KIT: variants seen among roughly 807,000 people sequenced by gnomAD.
The protein encoded by KIT is mast/stem cell growth factor receptor Kit.
Under a neutral mutation model 105.7 loss-of-function variants are expected in KIT, and 16 were observed. That is an observed-to-expected ratio of 0.15 (90% CI 0.10 to 0.23). The LOEUF (loss-of-function observed/expected upper bound fraction) is 0.23, where lower values mean the gene tolerates loss of function less well. KIT is among the 10% of genes least tolerant of loss of function. The pLI is 1.00. For missense variants in KIT, 858 were observed against 1,213.8 expected (o/e 0.71, Z 4.36); for synonymous variants, 438 against 441.1 (o/e 0.99, Z 0.09).
At chr4:54,730,970 A>G (rs939383878) in intron 14 of KIT, among the ~76,000 whole-genome samples, 2 of 151,844 alleles carry the variant, frequency 1.3e-5, no homozygotes, top group Non-Finnish European at 2.9e-5. Flanking sequence ...TCTTTCTTTC[A>G]TCTTGTCTCC....
intron 1 of KIT, among the ~76,000 whole-genome samples, chr4:54,687,582 C>T (rs1351463869): frequency 6.6e-6 from 1 of 152,084 alleles, no homozygotes; most frequent in Admixed American, 6.6e-5. Flanking sequence ...TTCCTTCCCC[C>T]TGCACTTAGC....
At chr4:54,697,439 G>A (rs1366495756) in intron 2 of KIT, among the ~76,000 whole-genome samples, 1 of 152,146 alleles carries the variant, frequency 6.6e-6, no homozygotes, top group Non-Finnish European at 1.5e-5. Flanking sequence ...GTAGAGAGTG[G>A]CAGCATATTG....
In KIT at chr4:54,667,049, A is replaced by G. The variant is rs533426945; in HGVS notation, c.67+8968A>G. Among the ~76,000 whole-genome samples, 3 of 152,308 alleles carry G rather than the reference A, an allele frequency of 2.0e-5. No homozygotes were observed. In the South Asian group the frequency reaches 6.2e-4, roughly 32 times the overall value. The stretch of plus-strand genomic sequence containing the variant: ...CAAGGTCTAGAGAAATCCATAATCT[A>G]TCATTTAGCCCTACCCTAAGAATCG... On this transcript the variant is annotated intron_variant, in intron 1 of 20. Transcript: ENST00000288135.
intron 1 of KIT, among the ~76,000 whole-genome samples, chr4:54,692,514 C>T (rs186237486): frequency 6.6e-6 from 1 of 152,158 alleles, no homozygotes; most frequent in Non-Finnish European, 1.5e-5. Context: ...TCCATCAGAT[C>T]AACCCATGAG....
rs779862483 is a variant in KIT at position 54,731,903 on chromosome 4, A to G, written c.2266A>G (p.Ile756Val). Residue 756 changes from isoleucine (I) to valine (V), a missense_variant, in exon 16 of 21, where the codon ATC (isoleucine) becomes GTC (valine). By Grantham distance (29) the Ile-to-Val change is conservative. Around this residue, in one of 7 missense-constraint regions of KIT, gnomAD observed 158 missense variants for 218.7 expected, o/e 0.72. Transcript: ENST00000288135. ...SYIERDVTPA[I>V]MEDDELALDL... ...CATAGAAAGAGATGTGACTCCCGCC[A>G]TCATGGAGGATGACGAGTTGGCCCT... 5.0e-6 allele frequency: 8 copies of G among 1,613,572 alleles called. No individual in the cohort carries two copies. The highest frequency in any genetic ancestry group is 4.0e-5 in the African/African-American group (3 of 74,876).
intron 1 of KIT, among the ~76,000 whole-genome samples, chr4:54,681,006 G>A (rs572367294): frequency 2.6e-5 from 4 of 152,146 alleles, no homozygotes; most frequent in Non-Finnish European, 4.4e-5. Context: ...TAGGTCTTGG[G>A]GGGGTGAAGT....
chr4:54,679,664 T>C (rs1718762435), intron 1 of KIT, among the ~76,000 whole-genome samples: 1 of 152,308 alleles, frequency 6.6e-6, no homozygotes, highest in Middle Eastern at 3.4e-3. Context: ...CTGAGTCAAG[T>C]ATAATTTATA....
intron 1 of KIT, among the ~76,000 whole-genome samples, chr4:54,659,887 G>A (rs760240008): frequency 2.6e-5 from 4 of 152,002 alleles, no homozygotes; most frequent in Non-Finnish European, 5.9e-5. Flanking sequence ...CTCCTGGGGG[G>A]GCAGTGTGGT....
At chr4:54,688,100 G>A (rs2109632813) in intron 1 of KIT, among the ~76,000 whole-genome samples, 1 of 152,112 alleles carries the variant, frequency 6.6e-6, no homozygotes, top group South Asian at 2.1e-4. Flanking sequence ...CCCACTGCTG[G>A]GCAAGAGTGT....
Position 54,692,345 on chromosome 4 carries a change from A to G in KIT, c.68-3167A>G, listed in dbSNP as rs188773379. On this transcript the variant is annotated intron_variant, in intron 1 of 20. Transcript: ENST00000288135. ...CTCACTTGATTCTCAGAAAAACTCTATGAGATGAGGGTATTTTTATCCTCA... is the reference window on the plus strand; with the variant it reads ...CTCACTTGATTCTCAGAAAAACTCTGTGAGATGAGGGTATTTTTATCCTCA... Among the ~76,000 whole-genome samples the G allele has an allele frequency of 1.3e-4, 20 of 152,302 alleles. No homozygotes were observed. In the East Asian group the frequency reaches 3.7e-3, roughly 28 times the overall value.
chr4:54,730,775 T>C (rs939434431), intron 14 of KIT, among the ~76,000 whole-genome samples: 3 of 152,162 alleles, frequency 2.0e-5, no homozygotes, highest in African/African-American at 7.2e-5. Context: ...CAGGAAGTAC[T>C]AGAAATCTTG....
chr4:54,737,186 T>C lies in KIT; in HGVS notation c.2708T>C (p.Met903Thr), dbSNP rs1722968117. 1 of 1,611,960 alleles carries C rather than the reference T, an allele frequency of 6.2e-7. No individual in the cohort carries two copies. Among genetic ancestry groups the C allele is most frequent in the Non-Finnish European group, 8.5e-7 (1 of 1,178,066 alleles). ...EHAPAEMYDI[M>T]KTCWDADPLK... ...CCCTTGTCTTGCAGGTATGACATAATGAAGACTTGCTGGGATGCAGATCCC... is the reference window on the plus strand; with the variant it reads ...CCCTTGTCTTGCAGGTATGACATAACGAAGACTTGCTGGGATGCAGATCCC... Residue 903 changes from methionine (M) to threonine (T), a missense_variant, in exon 20 of 21, where the codon ATG becomes ACG. This residue lies in a region of KIT where 105 missense variants were observed against 103.5 expected (regional missense o/e 1.01). Transcript: ENST00000288135.
At chr4:54,695,817 A>G in intron 2 of KIT, 36 bp downstream of exon 2, 1 of 1,612,630 alleles carries the variant, frequency 6.2e-7, no homozygotes, top group Non-Finnish European at 8.5e-7. Context: ...TGTGCTTTCA[A>G]GAATTTAATA....
At chr4:54,674,000 AGC>A (rs1341200026) in intron 1 of KIT, among the ~76,000 whole-genome samples, 1 of 152,158 alleles carries the variant, frequency 6.6e-6, no homozygotes, top group Non-Finnish European at 1.5e-5. Flanking sequence ...TGAACTCCTG[AGC>A]TCAGGCAATT....
intron 4 of KIT, among the ~76,000 whole-genome samples, chr4:54,700,702 A>G (rs1720402722): frequency 6.6e-6 from 1 of 152,228 alleles, no homozygotes. Context: ...CCCCATGTTC[A>G]ACATTGGCAA....
Position 54,731,331 on chromosome 4 carries a change from C to T in KIT, c.2145C>T (p.Ser715=), listed in dbSNP as rs192110951. The change falls in exon 15 of 21, where the codon AGC becomes AGT. Residue 715 remains serine (S), a synonymous_variant. Transcript: ENST00000288135. ...TGACTTGTTTCATCTCTCCCAGCAGCGATAGTACTAATGAGTACATGGACA... is the reference window on the plus strand; with the variant it reads ...TGACTTGTTTCATCTCTCCCAGCAGTGATAGTACTAATGAGTACATGGACA... The part of the protein sequence containing the change: ...NLLHSKESSC[S]DSTNEYMDMK... The T allele has an allele frequency of 4.0e-5, 65 of 1,610,710 alleles. No homozygotes were observed. The highest frequency in any genetic ancestry group is 2.5e-4 in the East Asian group (11 of 44,846).
rs772159767 is a variant in KIT at position 54,737,210 on chromosome 4, C to A, written c.2732C>A (p.Pro911His). ...ATGAAGACTTGCTGGGATGCAGATC[C>A]CCTAAAAAGACCAACATTCAAGCAA... ...DIMKTCWDAD[P>H]LKRPTFKQIV... The change falls in exon 20 of 21, where the codon CCC becomes CAC. Residue 911 changes from proline to histidine, a missense_variant. Transcript: ENST00000288135. The A allele has an allele frequency of 1.3e-5, 21 of 1,613,764 alleles. No individual in the cohort carries two copies. In the South Asian group the frequency reaches 2.0e-4, roughly 15 times the overall value.
intron 1 of KIT, among the ~76,000 whole-genome samples, chr4:54,659,258 G>A (rs977062340): frequency 6.6e-6 from 1 of 152,184 alleles, no homozygotes; most frequent in Non-Finnish European, 1.5e-5. Context: ...TGGGTCTTAG[G>A]TGAAGGATTT....
intron 1 of KIT, among the ~76,000 whole-genome samples, chr4:54,661,407 A>G (rs1370480332): frequency 6.6e-6 from 1 of 152,150 alleles, no homozygotes; most frequent in East Asian, 1.9e-4. Flanking sequence ...AGTTACCCTT[A>G]GGGTTTTGAC....
Sources: gnomAD v4.1 joint callset for allele counts (sites outside exome capture counted in the v4.1 genomes callset) on GRCh38, gnomAD v4.1.1 for gene constraint, gnomAD v4.1.1 regional missense constraint, MANE v1.5 for transcripts, NCBI Gene and HGNC (gene_info 2026-07-23, HGNC 2026-07-21) for gene names.